Variants in RTN4 observed in about 807,000 individuals in gnomAD.
The protein encoded by RTN4 is reticulon-4.
RTN4 carries 32 observed loss-of-function variants against 90.4 expected under a neutral mutation model. That is an observed-to-expected ratio of 0.35 (90% CI 0.27 to 0.48). RTN4 has a LOEUF of 0.48. Among genes scored for constraint, RTN4 ranks in the 20% least tolerant of loss-of-function variants. RTN4 has a pLI of 0.99. For synonymous variants in RTN4, 629 were observed against 552.5 expected, an observed-to-expected ratio of 1.14 and a Z score of -1.94; for missense variants, 1,706 against 1,430.2, an observed-to-expected ratio of 1.19 and a Z score of -3.11.
intron 2 of RTN4, among the ~76,000 whole-genome samples, chr2:55,056,052 A>G (rs796352626): frequency 5.3e-5 from 8 of 152,012 alleles, no homozygotes; most frequent in African/African-American, 1.9e-4. Context: ...CACTTAATCC[A>G]TGCTTTCACT....
At chr2:55,122,897 C>T in the RTN4 span, among the ~76,000 whole-genome samples, 1 of 152,366 alleles carries the variant, frequency 6.6e-6, no homozygotes, top group African/African-American at 2.4e-5. Context: ...AGCAGTAAAC[C>T]TGGTTGTTAA....
chr2:55,010,300 G>C (rs534611783), intron 3 of RTN4: 2 of 1,445,238 alleles, frequency 1.4e-6, no homozygotes, highest in South Asian at 1.5e-5. Flanking sequence ...TCTGGGTGTG[G>C]AACAGTCTGA....
At chr2:55,123,095 G>C in the RTN4 span, among the ~76,000 whole-genome samples, 1 of 151,954 alleles carries the variant, frequency 6.6e-6, no homozygotes, top group Non-Finnish European at 1.5e-5. Flanking sequence ...AGCAGAAAAA[G>C]CATCATTTTC....
At chr2:54,996,185 C>G (rs1400646280) in intron 3 of RTN4, among the ~76,000 whole-genome samples, 1 of 152,126 alleles carries the variant, frequency 6.6e-6, no homozygotes, top group Non-Finnish European at 1.5e-5. Flanking sequence ...ACATAACACA[C>G]TGTCGAAAGA....
At chr2:55,045,330 A>G (rs565758097) in intron 1 of RTN4, among the ~76,000 whole-genome samples, 8 of 152,278 alleles carry the variant, frequency 5.3e-5, no homozygotes, top group African/African-American at 1.7e-4. Context: ...CTCTTCGTAA[A>G]CTAACTATAA....
the RTN4 span, among the ~76,000 whole-genome samples, chr2:55,118,301 C>T: frequency 1.3e-5 from 2 of 152,042 alleles, no homozygotes; most frequent in South Asian, 4.1e-4. Context: ...CTTGCCTCTA[C>T]AAATATTTTA....
intron 3 of RTN4, among the ~76,000 whole-genome samples, chr2:55,020,883 G>C (rs139951029): frequency 3.3e-5 from 5 of 152,032 alleles, no homozygotes; most frequent in African/African-American, 1.2e-4. Context: ...CGAGCCTTTG[G>C]TCCCAGCTAC....
chr2:55,014,822 C>T lies in RTN4; in HGVS notation c.3013+10264G>A, dbSNP rs565151957. ...GAGCCACTGCACCTGGCCTCAAGCA[C>T]GCATTTTTAAATTCTGAATTCAAGA... On this transcript the variant is annotated intron_variant, in intron 3 of 8. Coordinates refer to ENST00000337526, the MANE Select transcript of RTN4 (RefSeq NM_020532.5). Among the ~76,000 whole-genome samples the T allele has an allele frequency of 2.1e-3, 312 of 152,084 alleles. 1 individual carries two copies. The highest frequency in any genetic ancestry group is 7.3e-3 in the African/African-American group (302 of 41,504).
At chr2:54,975,564 T>A (rs1677556611) in intron 5 of RTN4, among the ~76,000 whole-genome samples, 1 of 152,148 alleles carries the variant, frequency 6.6e-6, no homozygotes, top group African/African-American at 2.4e-5. Context: ...GTGTCTCATA[T>A]TATTCTGTGT....
intron 3 of RTN4, among the ~76,000 whole-genome samples, chr2:55,000,333 G>C (rs948839662): frequency 6.6e-6 from 1 of 151,878 alleles, no homozygotes; most frequent in African/African-American, 2.4e-5. Flanking sequence ...TTTAACTAGA[G>C]TTTTTAAACA....
In RTN4 at chr2:55,034,729, T is replaced by C. The variant is rs542512161; in HGVS notation, c.557-6509A>G. Among the ~76,000 whole-genome samples, 22 of 152,192 alleles carry C rather than the reference T, an allele frequency of 1.4e-4. 1 individual carries two copies. Among genetic ancestry groups the C allele is most frequent in the Non-Finnish European group, 2.5e-4 (17 of 68,026 alleles). The stretch of plus-strand genomic sequence containing the variant: ...TAAATATATATGTAGATGTTGAATA[T>C]ACAGGTAGATGTTAATTTTTCTCAT... On this transcript the variant is annotated intron_variant, in intron 1 of 8. Coordinates refer to ENST00000337526, the MANE Select transcript of RTN4 (RefSeq NM_020532.5).
chr2:55,116,213 T>A (rs973465510), upstream of RTN4, among the ~76,000 whole-genome samples: 8 of 150,148 alleles, frequency 5.3e-5, no homozygotes, highest in Admixed American at 4.0e-4. Flanking sequence ...TAGGCATGAG[T>A]CACTGCCGGG....
chr2:55,042,209 T>G (rs1486239552), intron 1 of RTN4, among the ~76,000 whole-genome samples: 1 of 152,190 alleles, frequency 6.6e-6, no homozygotes, highest in African/African-American at 2.4e-5. Flanking sequence ...GAACCATTCT[T>G]TGAATGACAC....
intron 3 of RTN4, among the ~76,000 whole-genome samples, chr2:55,017,324 T>C (rs1338003515): frequency 6.6e-6 from 1 of 152,212 alleles, no homozygotes; most frequent in Non-Finnish European, 1.5e-5. Flanking sequence ...AAACAATTCT[T>C]ATTCATGAAC....
intron 4 of RTN4, 103 bp downstream of exon 4, chr2:54,987,388 C>CA (rs1179773864): frequency 1.7e-5 from 15 of 895,688 alleles, no homozygotes; most frequent in South Asian, 7.2e-5. Flanking sequence ...TTATCTTTAA[C>CA]AAAAAAATGC....
At chr2:55,042,856 G>C (rs1298321276) in intron 1 of RTN4, among the ~76,000 whole-genome samples, 1 of 152,088 alleles carries the variant, frequency 6.6e-6, no homozygotes, top group Non-Finnish European at 1.5e-5. Flanking sequence ...CTTTCCTCAA[G>C]GAGTACACTG....
intron 1 of RTN4, among the ~76,000 whole-genome samples, chr2:55,091,837 G>T (rs1668941940): frequency 3.2e-5 from 1 of 30,826 alleles, no homozygotes; most frequent in South Asian, 6.4e-4. Context: ...CATGGCAGCG[G>T]CAAGAGAAAA....
chr2:54,981,090 T>A (rs1678080015), intron 5 of RTN4, among the ~76,000 whole-genome samples: 1 of 152,168 alleles, frequency 6.6e-6, no homozygotes, highest in Non-Finnish European at 1.5e-5. Flanking sequence ...AACCACTCTA[T>A]ACGAAAGAGG....
chr2:55,036,246 A>G (rs1682671659), intron 1 of RTN4, among the ~76,000 whole-genome samples: 1 of 152,162 alleles, frequency 6.6e-6, no homozygotes, highest in Admixed American at 6.5e-5. Flanking sequence ...CAACTCATAG[A>G]AAGTATAATC....
Sources: allele counts gnomAD v4.1 joint callset (sites outside exome capture counted in the v4.1 genomes callset), GRCh38; gene constraint gnomAD v4.1.1; transcripts MANE v1.5; gene names NCBI Gene and HGNC (gene_info 2026-07-23, HGNC 2026-07-21).